Variants in MOB1A observed in about 807,000 individuals in gnomAD.
MOB1A encodes the protein MOB kinase activator 1A.
In MOB1A, 10 loss-of-function variants were observed where a neutral mutation model predicts 25.1. The observed-to-expected ratio is 0.40, with a 90% CI of 0.25 to 0.68. The LOEUF is 0.68. MOB1A is among the 30% of genes least tolerant of loss of function. MOB1A has a pLI of 0.40. For missense variants in MOB1A, 177 were observed against 256.3 expected, an observed-to-expected ratio of 0.69 and a Z score of 2.11; for synonymous variants, 81 against 79.5, an observed-to-expected ratio of 1.02 and a Z score of -0.10.
intron 4 of MOB1A, among the ~76,000 whole-genome samples, chr2:74,163,171 A>G (rs1232698158): frequency 1.3e-5 from 2 of 152,172 alleles, no homozygotes; most frequent in Non-Finnish European, 2.9e-5. Context: ...TTGAAATACC[A>G]CTCAGTGCAA....
At chr2:74,169,856 T>C (rs1029730551) in intron 2 of MOB1A, among the ~76,000 whole-genome samples, 15 of 152,164 alleles carry the variant, frequency 9.9e-5, no homozygotes, top group Non-Finnish European at 1.5e-4. Context: ...CTCGAACTCC[T>C]GACCTCAAGT....
At position 74,172,715 on chromosome 2, in the gene MOB1A, T is replaced by G. The variant is rs748472204; in HGVS notation, c.52A>C (p.Asn18His). 1.2e-6 allele frequency: 2 copies of G among 1,613,880 alleles called. No homozygotes were observed. Among genetic ancestry groups the G allele is most frequent in the South Asian group, 2.2e-5 (2 of 91,030 alleles). The part of the protein sequence containing the change: ...RSSKTFKPKK[N>H]IPEGSHQYEL... ...TACTGATGAGATCCTTCAGGGATATTCTTCTTTGGTTTGAATGTTTTAGAA... is the reference window on the plus strand; with the variant it reads ...TACTGATGAGATCCTTCAGGGATATGCTTCTTTGGTTTGAATGTTTTAGAA... Residue 18 changes from asparagine to histidine, a missense_variant, in exon 2 of 6, where the codon AAT (asparagine) becomes CAT (histidine). By Grantham distance (68) the Asn-to-His change is moderately conservative (BLOSUM62 1). Coordinates refer to ENST00000396049, the MANE Select transcript of MOB1A (RefSeq NM_018221.5).
rs374931906 is a variant in MOB1A, at chr2:74,165,776, T to C, written c.276-425A>G. Among the ~76,000 whole-genome samples the C allele has an allele frequency of 2.0e-5, 3 of 151,956 alleles. No individual in the cohort carries two copies. The East Asian group carries it at 5.8e-4, about 29-fold the overall frequency. Reference sequence around the variant, plus strand: ...TTTTGGGGGCCAGGTGTTAGAGATATACATTAGGCATGCATACTTTCCCCC... The same window carrying C: ...TTTTGGGGGCCAGGTGTTAGAGATACACATTAGGCATGCATACTTTCCCCC... On this transcript the variant is annotated intron_variant, in intron 3 of 5. Coordinates refer to ENST00000396049, the MANE Select transcript of MOB1A (RefSeq NM_018221.5).
At chr2:74,167,245 C>T (rs1306875735) in intron 2 of MOB1A, 138 bp from the exon 3 acceptor site, 1 of 634,502 alleles carries the variant, frequency 1.6e-6, no homozygotes, top group Non-Finnish European at 2.8e-6. Context: ...GATACTGTAA[C>T]TTGTAGTATA....
rs1410080063 is a variant in MOB1A, at chr2:74,155,934, T to C, written c.*634A>G. ...AATAAAGTCCCTGTAAAAATAACTT[T>C]GGTTGCTCCCACCCACACGTCATAT... On this transcript the variant is annotated 3_prime_UTR_variant, in exon 6 of 6. Coordinates refer to ENST00000396049, the MANE Select transcript of MOB1A (RefSeq NM_018221.5). 6.6e-6 allele frequency: 1 copy of C among 152,498 alleles called. No individual in the cohort carries two copies. The highest frequency in any genetic ancestry group is 2.4e-5 in the African/African-American group (1 of 41,448). The allele number at this position is 152,498 out of a possible 1,614,324, so 9.4% of individuals were successfully genotyped here. A position where few individuals can be genotyped will look rare whatever the true frequency, so the allele number is the denominator to read the frequency against.
intron 1 of MOB1A, chr2:74,178,371 T>G: frequency 3.6e-6 from 1 of 280,136 alleles, no homozygotes; most frequent in Non-Finnish European, 6.7e-6. Context: ...CGCCCCCAGA[T>G]CGTCTCCCCG....
At chr2:74,176,888 T>C (rs963260728) in intron 1 of MOB1A, among the ~76,000 whole-genome samples, 6 of 151,840 alleles carry the variant, frequency 4.0e-5, no homozygotes, top group Admixed American at 3.3e-4. Context: ...CCTCAAAAGG[T>C]TAAACATAGT....
rs916477600 is a variant in MOB1A, at chr2:74,154,300, A to G, written c.*2268T>C. The G allele has an allele frequency of 6.6e-6, 1 of 151,916 alleles. No homozygotes were observed. The highest frequency in any genetic ancestry group is 2.4e-5 in the African/African-American group (1 of 41,344). The allele number at this position is 151,916 out of a possible 1,614,324, so 9.4% of individuals were successfully genotyped here. A position where few individuals can be genotyped will look rare whatever the true frequency, so the allele number is the denominator to read the frequency against. On this transcript the variant is annotated 3_prime_UTR_variant, in exon 6 of 6. Coordinates refer to ENST00000396049, the MANE Select transcript of MOB1A (RefSeq NM_018221.5). Reference sequence around the variant, plus strand: ...CTTCCCATTATCTCCCCTTCCTCCAATTCTCCTCCTCCCCTTGGCTCCCTA... The same window carrying G: ...CTTCCCATTATCTCCCCTTCCTCCAGTTCTCCTCCTCCCCTTGGCTCCCTA...
chr2:74,178,439 A>C (rs948005178), intron 1 of MOB1A: 2 of 352,312 alleles, frequency 5.7e-6, no homozygotes, highest in Non-Finnish European at 5.1e-6. Context: ...GGGCCTTTCT[A>C]CTCCCCAGCC....
At chr2:74,174,442 TAAAAA>T (rs1323720291) in intron 1 of MOB1A, among the ~76,000 whole-genome samples, 1 of 151,652 alleles carries the variant, frequency 6.6e-6, no homozygotes, top group East Asian at 1.9e-4. Context: ...GTGGGGAAGA[TAAAAA>T]GAAAATGGCG....
chr2:74,170,360 A>G (rs1249518789), intron 2 of MOB1A, among the ~76,000 whole-genome samples: 1 of 151,576 alleles, frequency 6.6e-6, no homozygotes, highest in East Asian at 2.0e-4. Flanking sequence ...GATGGTCTCA[A>G]TCTCCTGACC....
intron 1 of MOB1A, among the ~76,000 whole-genome samples, chr2:74,177,715 G>A (rs770752841): frequency 2.0e-5 from 3 of 151,966 alleles, no homozygotes; most frequent in Non-Finnish European, 2.9e-5. Flanking sequence ...TAATAAAAAT[G>A]TCAAGCATGT....
intron 1 of MOB1A, chr2:74,178,443 C>G (rs1222233304): frequency 8.2e-6 from 3 of 365,878 alleles, no homozygotes; most frequent in East Asian, 7.9e-5. Context: ...CTTTCTACTC[C>G]CCAGCCTTCA....
chr2:74,164,524 T>A (rs6750014), intron 4 of MOB1A: 17,568 of 137,592 alleles, frequency 0.13, 1,483 homozygotes, highest in East Asian at 0.36. Context: ...TCTCAAAAAA[T>A]AAAAAAATAA....
rs922738325 is a variant in MOB1A at position 74,153,659 on chromosome 2, T to A, written c.*2909A>T. The A allele has an allele frequency of 2.6e-5, 4 of 152,142 alleles. No individual in the cohort carries two copies. Among genetic ancestry groups the A allele is most frequent in the Admixed American group, 2.6e-4 (4 of 15,276 alleles). The allele number at this position is 152,142 out of a possible 1,614,324, so 9.4% of individuals were successfully genotyped here. ...AAATCTGCACATCACTGTACAAGTG[T>A]TTTTTGAAGGCCTGAAAATTAAAGC... is the stretch of plus-strand genomic sequence containing the variant. On this transcript the variant is annotated 3_prime_UTR_variant, in exon 6 of 6. Coordinates refer to ENST00000396049, the MANE Select transcript of MOB1A (RefSeq NM_018221.5).
chr2:74,159,158 GA>G lies in MOB1A; in HGVS notation c.505del (p.Ser169LeufsTer2). ...GGCCTCCTCTTGCAGCTGCATCACAGAATCAAAGTGCTGGTGATAAATATGG... is the reference window on the plus strand; with the variant it reads ...GGCCTCCTCTTGCAGCTGCATCACAGATCAAAGTGCTGGTGATAAATATGG... ...YAHIYHQHFD[S>X]VMQLQEEAHL... On this transcript the variant is annotated frameshift_variant, in exon 5 of 6. Coordinates refer to ENST00000396049, the MANE Select transcript of MOB1A (RefSeq NM_018221.5). LOFTEE classifies it high-confidence loss of function. 6.2e-7 allele frequency: 1 copy of G among 1,613,914 alleles called. No homozygotes were observed. Among genetic ancestry groups the G allele is most frequent in the South Asian group, 1.1e-5 (1 of 91,084 alleles).
At chr2:74,157,370 C>G (rs1692833514) in intron 5 of MOB1A, among the ~76,000 whole-genome samples, 2 of 152,054 alleles carry the variant, frequency 1.3e-5, no homozygotes, top group African/African-American at 4.8e-5. Context: ...CACATCTCTT[C>G]CATCTGGCTG....
rs2103683839 is a variant in MOB1A, at chr2:74,156,200, C to G, written c.*368G>C. 1 of 162,780 alleles carries G rather than the reference C, an allele frequency of 6.1e-6. No homozygotes were observed. Among genetic ancestry groups the G allele is most frequent in the Admixed American group, 6.4e-5 (1 of 15,630 alleles). 10.1% of individuals were successfully genotyped at this position (162,780 alleles called of 1,614,324 possible). On this transcript the variant is annotated 3_prime_UTR_variant, in exon 6 of 6. Transcript: ENST00000396049. ...AATTATTGATGGAAATTCTTAATGTCCATTGTGCTGTCACCTAAAACAGAT... is the reference window on the plus strand; with the variant it reads ...AATTATTGATGGAAATTCTTAATGTGCATTGTGCTGTCACCTAAAACAGAT...
intron 1 of MOB1A, among the ~76,000 whole-genome samples, chr2:74,174,203 G>A (rs1174532468): frequency 5.3e-5 from 8 of 151,130 alleles, no homozygotes; most frequent in Admixed American, 6.6e-5. Context: ...CCCAGGAGGC[G>A]GAGGTTGCAG....
Sources: gnomAD v4.1 joint callset for allele counts (sites outside exome capture counted in the v4.1 genomes callset) on GRCh38, gnomAD v4.1.1 for gene constraint, MANE v1.5 for transcripts, NCBI Gene and HGNC (gene_info 2026-07-23, HGNC 2026-07-21) for gene names.